Variants in RALA observed in about 807,000 individuals in gnomAD.
RALA encodes RAS like proto-oncogene A, also known as ras-related protein Ral-A.
RALA carries 5 observed loss-of-function variants against 24.0 expected under a neutral mutation model. That is an observed-to-expected ratio of 0.21 (90% confidence interval 0.11 to 0.44). The LOEUF is 0.44. Ranked by LOEUF, RALA falls within the 20% of genes least tolerant of loss-of-function variation. The probability of loss-of-function intolerance (pLI) is 0.99; values close to 1 mark genes in which losing one functional copy is unlikely to be tolerated. For synonymous variants in RALA, 77 were observed against 83.8 expected, an observed-to-expected ratio of 0.92 and a Z score of 0.44; for missense variants, 95 against 241.2, an observed-to-expected ratio of 0.39 and a Z score of 4.01.
chr7:39,672,583 A>C (rs1460596535), intron 1 of RALA, among the ~76,000 whole-genome samples: 1 of 152,172 alleles, frequency 6.6e-6, no homozygotes, highest in Admixed American at 6.5e-5. Context: ...CTTTACTTAT[A>C]AAATTTTAAA....
intron 3 of RALA, among the ~76,000 whole-genome samples, chr7:39,691,852 T>G (rs1172789076): frequency 6.6e-6 from 1 of 152,238 alleles, no homozygotes; most frequent in Non-Finnish European, 1.5e-5. Flanking sequence ...CAATGCTTAT[T>G]CATTCAGCAG....
intron 1 of RALA, among the ~76,000 whole-genome samples, chr7:39,658,089 C>T (rs1387322596): frequency 1.3e-5 from 2 of 152,158 alleles, no homozygotes; most frequent in Admixed American, 6.5e-5. Context: ...GACTGAGGAG[C>T]GTTGTCCCTT....
intron 1 of RALA, among the ~76,000 whole-genome samples, chr7:39,639,525 T>C (rs1160370056): frequency 6.6e-6 from 1 of 152,130 alleles, no homozygotes; most frequent in Non-Finnish European, 1.5e-5. Context: ...TGCATAGCCA[T>C]TGCACTCTTA....
chr7:39,657,496 A>T (rs553869058), intron 1 of RALA, among the ~76,000 whole-genome samples: 1 of 152,228 alleles, frequency 6.6e-6, no homozygotes, highest in East Asian at 1.9e-4. Flanking sequence ...ATAGACTAGT[A>T]TACTGAAGGA....
chr7:39,656,203 C>G (rs567741591), intron 1 of RALA, among the ~76,000 whole-genome samples: 1 of 152,258 alleles, frequency 6.6e-6, no homozygotes, highest in East Asian at 1.9e-4. Context: ...ATTCAAAATT[C>G]AGAGTTACTT....
intron 3 of RALA, among the ~76,000 whole-genome samples, chr7:39,695,832 G>T (rs1299442292): frequency 6.6e-6 from 1 of 152,120 alleles, no homozygotes; most frequent in Admixed American, 6.5e-5. Context: ...GCATTTTTAA[G>T]GTAGCAAATT....
intron 1 of RALA, among the ~76,000 whole-genome samples, chr7:39,668,659 A>G (rs1012518227): frequency 7.2e-5 from 11 of 151,880 alleles, no homozygotes; most frequent in African/African-American, 2.7e-4. Context: ...TCAGCTGGGC[A>G]TGGTGGCGCA....
intron 3 of RALA, among the ~76,000 whole-genome samples, chr7:39,694,691 A>G (rs1041090741): frequency 2.6e-5 from 4 of 152,154 alleles, no homozygotes; most frequent in Non-Finnish European, 4.4e-5. Flanking sequence ...AGAAGCACAG[A>G]ATAGAATAAT....
At chr7:39,691,165 G>A (rs780798663) in intron 3 of RALA, among the ~76,000 whole-genome samples, 11 of 151,892 alleles carry the variant, frequency 7.2e-5, no homozygotes, top group Non-Finnish European at 1.3e-4. Flanking sequence ...ATTATTTATT[G>A]TTTAATTAAA....
At chr7:39,660,728 TACA>T (rs1792172563) in intron 1 of RALA, among the ~76,000 whole-genome samples, 1 of 152,184 alleles carries the variant, frequency 6.6e-6, no homozygotes, top group Non-Finnish European at 1.5e-5. Context: ...TTTACAGATT[TACA>T]ACAATTTGAA....
Position 39,706,710 on chromosome 7 carries a change from G to A in RALA, c.*465G>A, listed in dbSNP as rs1050886641. ...TTTAACCATTATTATGCAAAATTTA[G>A]AAGAAAAGTTATTGGCATGGTTGTT... On this transcript the variant is annotated 3_prime_UTR_variant, in exon 5 of 5. Coordinates refer to ENST00000005257, the MANE Select transcript of RALA (RefSeq NM_005402.4). The A allele has an allele frequency of 7.9e-5, 12 of 152,548 alleles. No individual in the cohort carries two copies. Among genetic ancestry groups the A allele is most frequent in the African/African-American group, 2.4e-4 (10 of 41,394 alleles). The allele number at this position is 152,548 out of a possible 1,614,324, so 9.4% of individuals were successfully genotyped here.
chr7:39,680,767 C>T (rs1005075917), intron 1 of RALA, among the ~76,000 whole-genome samples: 1 of 151,986 alleles, frequency 6.6e-6, no homozygotes, highest in Non-Finnish European at 1.5e-5. Context: ...AATTATTCTC[C>T]GTCTTCCCCC....
In RALA at chr7:39,706,309, T is replaced by C. The variant is rs1793119590; in HGVS notation, c.*64T>C. The C allele has an allele frequency of 1.3e-6, 2 of 1,492,536 alleles. No individual in the cohort carries two copies. The highest frequency in any genetic ancestry group is 1.8e-6 in the Non-Finnish European group (2 of 1,110,108). 92.5% of individuals were successfully genotyped at this position (1,492,536 alleles called of 1,614,324 possible). On this transcript the variant is annotated 3_prime_UTR_variant, in exon 5 of 5. Coordinates refer to ENST00000005257, the MANE Select transcript of RALA (RefSeq NM_005402.4). Reference sequence around the variant, plus strand: ...TAAATATAATTTATAAGCATTGCCATTGAAGGCTTAATTGACTGAAATTAC... The same window carrying C: ...TAAATATAATTTATAAGCATTGCCACTGAAGGCTTAATTGACTGAAATTAC...
chr7:39,649,275 T>G (rs1174843967), intron 1 of RALA, among the ~76,000 whole-genome samples: 1 of 152,192 alleles, frequency 6.6e-6, no homozygotes, highest in Non-Finnish European at 1.5e-5. Context: ...AATCTGATGT[T>G]CAGGGGAGAG....
intron 1 of RALA, among the ~76,000 whole-genome samples, chr7:39,644,719 CTTTAAATCT>C (rs1172573524): frequency 6.6e-6 from 1 of 152,106 alleles, no homozygotes; most frequent in African/African-American, 2.4e-5. Context: ...TTCATTAGAT[CTTTAAATCT>C]TTGATGCAAA....
rs922754242 is a variant in RALA at position 39,675,539 on chromosome 7, C to T, written c.-37-11092C>T. Among the ~76,000 whole-genome samples the T allele has an allele frequency of 2.9e-4, 44 of 152,080 alleles. 1 individual carries two copies. Among genetic ancestry groups the T allele is most frequent in the African/African-American group, 1.0e-3 (43 of 41,422 alleles). ...TCGAGCCCAGGCGTTCAAGACCAGC[C>T]TGGGCAACACAGACCCTGTCTCTAC... On this transcript the variant is annotated intron_variant, in intron 1 of 4. Transcript: ENST00000005257.
chr7:39,697,745 C>G (rs766902217), intron 4 of RALA, among the ~76,000 whole-genome samples: 2 of 152,030 alleles, frequency 1.3e-5, no homozygotes, highest in Non-Finnish European at 2.9e-5. Context: ...TAACCCTGAT[C>G]CAGAAAGTAC....
rs1791640814 is a variant in RALA, at chr7:39,633,834, AC to A, written c.-38+10010del. ...ATCAGGTGTTGGCCCAGCATCCTGC[AC>A]ATGTTCCATCCACATGGCAGTGATG... On this transcript the variant is annotated intron_variant, in intron 1 of 4. Coordinates refer to ENST00000005257, the MANE Select transcript of RALA (RefSeq NM_005402.4). Among the ~76,000 whole-genome samples the A allele has an allele frequency of 2.0e-5, 3 of 152,328 alleles. No individual in the cohort carries two copies. In the South Asian group the frequency reaches 6.2e-4, roughly 32 times the overall value.
intron 4 of RALA, chr7:39,703,250 C>T (rs1268635348): frequency 6.6e-6 from 1 of 152,156 alleles, no homozygotes; most frequent in Non-Finnish European, 1.5e-5. Flanking sequence ...AGAATCGAGA[C>T]CTCCTGTCCT....
Sources: gnomAD v4.1 joint callset for allele counts (sites outside exome capture counted in the v4.1 genomes callset) on GRCh38, gnomAD v4.1.1 for gene constraint, MANE v1.5 for transcripts, NCBI Gene and HGNC (gene_info 2026-07-23, HGNC 2026-07-21) for gene names.